CACNA1E: variants seen among roughly 807,000 people sequenced by gnomAD.
CACNA1E encodes voltage-dependent R-type calcium channel subunit alpha-1E.
In CACNA1E, 40 loss-of-function variants were observed where a neutral mutation model predicts 259.2. That is an observed-to-expected ratio of 0.15 (90% CI 0.12 to 0.20). CACNA1E has a LOEUF of 0.20. Among genes scored for constraint, CACNA1E ranks in the 10% least tolerant of loss-of-function variants. The probability of loss-of-function intolerance (pLI) is 1.00; values close to 1 mark genes in which losing one functional copy is unlikely to be tolerated. For missense variants in CACNA1E, 1,874 were observed against 3,040.1 expected (o/e 0.62, Z 9.02); for synonymous variants, 1,104 against 1,138.5 (o/e 0.97, Z 0.61).
intron 7 of CACNA1E, among the ~76,000 whole-genome samples, chr1:181,680,607 G>A (rs928736776): frequency 1.3e-5 from 2 of 152,180 alleles, no homozygotes; most frequent in African/African-American, 4.8e-5. Context: ...AGCCAAAAAG[G>A]GAAAACCTCC....
Position 181,796,854 on chromosome 1 carries a change from G to A in CACNA1E, c.6395G>A (p.Arg2132Lys). 6.3e-7 allele frequency: 1 copy of A among 1,593,964 alleles called. No homozygotes were observed. Among genetic ancestry groups the A allele is most frequent in the Non-Finnish European group, 8.6e-7 (1 of 1,169,178 alleles). Residue 2132 changes from arginine (R) to lysine (K), a missense_variant, in exon 47 of 48, where the codon AGA becomes AAA. Physicochemically the swap from Arg to Lys is conservative, Grantham distance 26 (BLOSUM62 2). This residue lies in a region of CACNA1E where 542 missense variants were observed against 587.2 expected (regional missense o/e 0.92). Coordinates refer to ENST00000367573, the MANE Select transcript of CACNA1E (RefSeq NM_001205293.3). The part of the protein sequence containing the change: ...PSEGRSQTPN[R>K]QGTGSLSESS... ...GAGGGCAGGTCACAGACGCCCAACAGACAGGTGAGCGCAGAGAGGAAGCCA... is the reference window on the plus strand; with the variant it reads ...GAGGGCAGGTCACAGACGCCCAACAAACAGGTGAGCGCAGAGAGGAAGCCA...
chr1:181,330,009 C>T lies in CACNA1E; in HGVS notation c.-15+11886C>T, dbSNP rs1651124215. Among the ~76,000 whole-genome samples the T allele has an allele frequency of 2.6e-5, 4 of 152,190 alleles. No homozygotes were observed. The South Asian group carries it at 8.3e-4, about 32-fold the overall frequency. On this transcript the variant is annotated intron_variant, in intron 1 of 11. Transcript: ENST00000524607. Reference sequence around the variant, plus strand: ...GGGATTTGCCCCTCCCAGTCCCTGACTCAGGAGGAACTGAAGCTGCTCTGG... The same window carrying T: ...GGGATTTGCCCCTCCCAGTCCCTGATTCAGGAGGAACTGAAGCTGCTCTGG...
At chr1:181,365,374 G>C (rs973299612) in intron 1 of CACNA1E, among the ~76,000 whole-genome samples, 4 of 152,286 alleles carry the variant, frequency 2.6e-5, no homozygotes, top group African/African-American at 7.2e-5. Flanking sequence ...GTCCTGCTAC[G>C]TTGCCCAGGC....
At chr1:181,424,730 G>A (rs1383859975) in intron 2 of CACNA1E, among the ~76,000 whole-genome samples, 1 of 152,204 alleles carries the variant, frequency 6.6e-6, no homozygotes, top group Non-Finnish European at 1.5e-5. Flanking sequence ...CAAGGGCTGG[G>A]GGAGATCTGT....
chr1:181,583,848 C>T (rs887109980), intron 6 of CACNA1E, among the ~76,000 whole-genome samples: 6 of 152,094 alleles, frequency 3.9e-5, no homozygotes, highest in African/African-American at 1.2e-4. Context: ...GCAAAACTGT[C>T]GACAGTTCTG....
chr1:181,501,819 C>T (rs944827516), intron 1 of CACNA1E, among the ~76,000 whole-genome samples: 12 of 152,020 alleles, frequency 7.9e-5, no homozygotes, highest in East Asian at 5.8e-4. Flanking sequence ...GTTGTCATGG[C>T]GATGGCAGGT....
intron 2 of CACNA1E, among the ~76,000 whole-genome samples, chr1:181,434,976 G>C (rs1659983366): frequency 6.6e-6 from 1 of 152,184 alleles, no homozygotes; most frequent in African/African-American, 2.4e-5. Context: ...CTGGGTTGCA[G>C]ACAGTTACAG....
At chr1:181,574,643 T>C (rs980817088) in intron 3 of CACNA1E, among the ~76,000 whole-genome samples, 2 of 152,118 alleles carry the variant, frequency 1.3e-5, no homozygotes, top group African/African-American at 4.8e-5. Flanking sequence ...ACAGAATTTC[T>C]CTAGGATGTG....
intron 3 of CACNA1E, among the ~76,000 whole-genome samples, chr1:181,569,649 G>C (rs554834988): frequency 2.0e-5 from 3 of 152,250 alleles, no homozygotes; most frequent in African/African-American, 7.2e-5. Flanking sequence ...CTTTAATTTG[G>C]ATATCCAATT....
intron 1 of CACNA1E, among the ~76,000 whole-genome samples, chr1:181,484,305 C>T (rs1204125390): frequency 6.6e-6 from 1 of 152,194 alleles, no homozygotes; most frequent in African/African-American, 2.4e-5. Flanking sequence ...AGCCCCCTCC[C>T]CACCCCTACT....
chr1:181,750,027 G>T (rs1306587385), intron 25 of CACNA1E, among the ~76,000 whole-genome samples: 1 of 152,240 alleles, frequency 6.6e-6, no homozygotes, highest in Non-Finnish European at 1.5e-5. Flanking sequence ...AGAATTTCTG[G>T]CCCAGAGTGG....
intron 2 of CACNA1E, among the ~76,000 whole-genome samples, chr1:181,428,897 G>A (rs1156955079): frequency 6.6e-6 from 1 of 152,176 alleles, no homozygotes; most frequent in Non-Finnish European, 1.5e-5. Context: ...TTGCTGTAAA[G>A]GAGGCCGGGT....
At chr1:181,468,778 T>C (rs1438116326) in intron 2 of CACNA1E, among the ~76,000 whole-genome samples, 1 of 152,088 alleles carries the variant, frequency 6.6e-6, no homozygotes, top group Non-Finnish European at 1.5e-5. Flanking sequence ...CAGGTGGCTA[T>C]GGAAGAAGGG....
intron 16 of CACNA1E, among the ~76,000 whole-genome samples, chr1:181,723,872 A>C (rs1654640750): frequency 6.6e-6 from 1 of 152,188 alleles, no homozygotes; most frequent in Non-Finnish European, 1.5e-5. Context: ...GAACCTCCAC[A>C]TGTTCAGCTA....
chr1:181,650,434 C>A (rs557901626), intron 6 of CACNA1E, among the ~76,000 whole-genome samples: 1 of 152,076 alleles, frequency 6.6e-6, no homozygotes, highest in Admixed American at 6.6e-5. Flanking sequence ...CAAAGCCCTG[C>A]ATATGTGAAA....
intron 1 of CACNA1E, among the ~76,000 whole-genome samples, chr1:181,366,076 G>A (rs1315164828): frequency 6.6e-6 from 1 of 152,178 alleles, no homozygotes. Flanking sequence ...GTGGAGAAAG[G>A]CTGATGAATG....
intron 6 of CACNA1E, among the ~76,000 whole-genome samples, chr1:181,643,459 G>A (rs562202496): frequency 2.0e-5 from 3 of 152,294 alleles, no homozygotes; most frequent in South Asian, 2.1e-4. Context: ...ATGTGGCACC[G>A]CTCTTTGCTC....
At chr1:181,482,954 C>G (rs527263468), upstream of CACNA1E, among the ~76,000 whole-genome samples, 26 of 152,404 alleles carry the variant, frequency 1.7e-4, no homozygotes, top group East Asian at 4.8e-3. Context: ...GGATGCTGCT[C>G]AACTTCTAGC....
At chr1:181,701,517 C>A (rs953780366) in intron 7 of CACNA1E, among the ~76,000 whole-genome samples, 1 of 152,196 alleles carries the variant, frequency 6.6e-6, no homozygotes, top group Admixed American at 6.5e-5. Flanking sequence ...AGAGAGAAAG[C>A]AGCATGTACA....
Sources: allele counts gnomAD v4.1 joint callset (sites outside exome capture counted in the v4.1 genomes callset), GRCh38; gene constraint gnomAD v4.1.1; regional missense constraint gnomAD v4.1.1; transcripts MANE v1.5; gene names NCBI Gene and HGNC (gene_info 2026-07-23, HGNC 2026-07-21).